The following LTBP1 variants were observed in gnomAD, a reference collection of about 807,000 sequenced individuals.
LTBP1 encodes latent-transforming growth factor beta-binding protein 1.
LTBP1 carries 129 observed loss-of-function variants against 207.6 expected under a neutral mutation model. The observed-to-expected ratio is 0.62, with a 90% CI of 0.54 to 0.72. LTBP1 has a LOEUF of 0.72. Ranked by LOEUF, LTBP1 falls within the 30% of genes least tolerant of loss-of-function variation. The pLI, the probability that LTBP1 is intolerant of heterozygous loss-of-function variation, is 0.00. For missense variants in LTBP1, 2,281 were observed against 2,217.2 expected (o/e 1.03, Z -0.58); for synonymous variants, 963 against 833.7 (o/e 1.16, Z -2.67).
chr2:33,373,608 TATC>T (rs2095098671), intron 31 of LTBP1, among the ~76,000 whole-genome samples: 1 of 152,178 alleles, frequency 6.6e-6, no homozygotes, highest in African/African-American at 2.4e-5. Flanking sequence ...TAGGAAGAAT[TATC>T]ATTACTGTAT....
At chr2:33,301,701 G>T in intron 22 of LTBP1, 57 bp downstream of exon 22, 1 of 1,458,350 alleles carries the variant, frequency 6.9e-7, no homozygotes, top group South Asian at 1.4e-5. Context: ...GGGAAATCTG[G>T]GCATCATCTC....
At chr2:32,970,415 T>C (rs1680677031) in intron 2 of LTBP1, among the ~76,000 whole-genome samples, 1 of 152,218 alleles carries the variant, frequency 6.6e-6, no homozygotes, top group African/African-American at 2.4e-5. Flanking sequence ...ATTTAGTCCA[T>C]CTTAAGTTGA....
Position 33,397,215 on chromosome 2 carries a change from C to G in LTBP1, c.4917C>G (p.Val1639=), listed in dbSNP as rs146189249. Reference sequence around the variant, plus strand: ...GTGAAAATGGTCGCTGTGTGAGGGTCCAGGAAGGTTACACCTGCGATTGCT... The same window carrying G: ...GTGAAAATGGTCGCTGTGTGAGGGTGCAGGAAGGTTACACCTGCGATTGCT... ...NGCENGRCVR[V]QEGYTCDCFD... The change falls in exon 33 of 34, where the codon GTC becomes GTG. Residue 1639 remains valine (V), a synonymous_variant. Coordinates refer to ENST00000404816, the MANE Select transcript of LTBP1 (RefSeq NM_206943.4). The G allele has an allele frequency of 7.8e-4, 1,265 of 1,614,126 alleles. 8 individuals carry two copies. The African/African-American group carries it at 0.015, about 20-fold the overall frequency.
At chr2:33,241,538 A>G (rs538081278) in intron 9 of LTBP1, among the ~76,000 whole-genome samples, 173 of 152,318 alleles carry the variant, frequency 1.1e-3, no homozygotes, top group African/African-American at 3.5e-3. Flanking sequence ...CGCAAGGCTG[A>G]GATGGTGCTG....
chr2:33,236,184 A>C (rs999143295), intron 9 of LTBP1, among the ~76,000 whole-genome samples: 3 of 152,208 alleles, frequency 2.0e-5, no homozygotes, highest in East Asian at 1.9e-4. Flanking sequence ...AACACTTAGA[A>C]ATGTTTAATA....
intron 18 of LTBP1, among the ~76,000 whole-genome samples, chr2:33,277,823 T>TTCTCTC (rs1553479881): frequency 1.2e-5 from 1 of 83,498 alleles, no homozygotes; most frequent in African/African-American, 5.1e-5. Flanking sequence ...TTTTCTTTCT[T>TTCTCTC]TCTTTCTTTT....
At chr2:33,246,970 C>G (rs894634516) in intron 10 of LTBP1, among the ~76,000 whole-genome samples, 5 of 152,120 alleles carry the variant, frequency 3.3e-5, no homozygotes, top group Non-Finnish European at 7.3e-5. Context: ...AGAGCAAATT[C>G]AAGAAAAGTA....
chr2:33,173,129 G>A (rs1315263369), intron 5 of LTBP1, among the ~76,000 whole-genome samples: 2 of 152,092 alleles, frequency 1.3e-5, no homozygotes, highest in African/African-American at 4.8e-5. Context: ...TCAAAAGCTA[G>A]CAGAAGGCAA....
intron 31 of LTBP1, among the ~76,000 whole-genome samples, chr2:33,374,457 A>C (rs1467926826): frequency 6.6e-6 from 1 of 152,164 alleles, no homozygotes; most frequent in African/African-American, 2.4e-5. Context: ...AGAAACAATA[A>C]CCGCTAGTCA....
chr2:33,284,916 C>T lies in LTBP1; in HGVS notation c.3112+4758C>T, dbSNP rs116420306. Among the ~76,000 whole-genome samples the T allele has an allele frequency of 3.4e-3, 512 of 152,202 alleles. 4 individuals carry two copies. The highest frequency in any genetic ancestry group is 0.012 in the African/African-American group (491 of 41,510). On this transcript the variant is annotated intron_variant, in intron 19 of 33. Transcript: ENST00000404816. ...GTAGGCATCTGACATATGGTGGAAC[C>T]CCATCCATGCTACAACCCTTTTTCC...
intron 2 of LTBP1, among the ~76,000 whole-genome samples, chr2:32,977,540 C>T (rs1369784362): frequency 1.3e-5 from 2 of 152,286 alleles, no homozygotes; most frequent in East Asian, 1.9e-4. Flanking sequence ...TTTCTGGGGT[C>T]CAAGGCTTGT....
At chr2:33,039,799 A>G (rs1188807815) in intron 3 of LTBP1, among the ~76,000 whole-genome samples, 1 of 152,150 alleles carries the variant, frequency 6.6e-6, no homozygotes, top group Non-Finnish European at 1.5e-5. Context: ...TCAGTTTATT[A>G]TAACAGGGTC....
At chr2:33,385,457 C>G (rs2095257534) in intron 31 of LTBP1, among the ~76,000 whole-genome samples, 1 of 152,270 alleles carries the variant, frequency 6.6e-6, no homozygotes, top group South Asian at 2.1e-4. Context: ...TGATGTCACC[C>G]ACAGGAAAAA....
chr2:33,370,749 G>A (rs953140105), intron 31 of LTBP1, among the ~76,000 whole-genome samples: 3 of 152,162 alleles, frequency 2.0e-5, no homozygotes, highest in Admixed American at 1.3e-4. Context: ...ATCCCAGCCT[G>A]TCAGACATCA....
At position 32,983,194 on chromosome 2, in the gene LTBP1, A is replaced by G. The variant is rs138411917; in HGVS notation, c.565+34249A>G. ...ATGTGAAACAGAGTCAAAGGAGATC[A>G]TTTTGGAACTTCAAGGTTTAAAGAC... On this transcript the variant is annotated intron_variant, in intron 2 of 33. Transcript: ENST00000404816. Among the ~76,000 whole-genome samples, 637 of 152,290 alleles carry G rather than the reference A, an allele frequency of 4.2e-3. 5 individuals are homozygous for G. The highest frequency in any genetic ancestry group is 0.015 in the African/African-American group (613 of 41,572).
chr2:33,391,056 C>T (rs1430699574), intron 32 of LTBP1, among the ~76,000 whole-genome samples: 3 of 149,866 alleles, frequency 2.0e-5, no homozygotes, highest in African/African-American at 7.5e-5. Context: ...CCCTCCTTGT[C>T]CTTCCTTCCC....
At chr2:33,119,839 A>T (rs1296030888) in intron 4 of LTBP1, among the ~76,000 whole-genome samples, 3 of 152,176 alleles carry the variant, frequency 2.0e-5, no homozygotes, top group Non-Finnish European at 4.4e-5. Context: ...ATTATAGACG[A>T]GAGCACTGCG....
intron 15 of LTBP1, among the ~76,000 whole-genome samples, chr2:33,269,313 T>G (rs2093262938): frequency 6.6e-6 from 1 of 152,252 alleles, no homozygotes; most frequent in Admixed American, 6.5e-5. Context: ...ACTGGCTTTC[T>G]GTCATGGCCC....
intron 24 of LTBP1, chr2:33,332,907 A>G (rs4569454): frequency 0.8 from 122,235 of 152,122 alleles, 49,641 homozygotes; most frequent in Non-Finnish European, 0.84. Flanking sequence ...AGTCTACAGC[A>G]ATCCCACCGT....
Sources: gnomAD v4.1 joint callset for allele counts (sites outside exome capture counted in the v4.1 genomes callset) on GRCh38, gnomAD v4.1.1 for gene constraint, MANE v1.5 for transcripts, NCBI Gene and HGNC (gene_info 2026-07-23, HGNC 2026-07-21) for gene names.